The following GRIK1 variants were observed in gnomAD, a reference collection of about 807,000 sequenced individuals.
The protein encoded by GRIK1 is glutamate receptor ionotropic, kainate 1.
A neutral mutation model predicts 105.7 loss-of-function variants in GRIK1; 69 were observed. The observed-to-expected ratio is 0.65, with a 90% CI of 0.54 to 0.80. The LOEUF is 0.80. Among genes scored for constraint, GRIK1 ranks in the 30% least tolerant of loss-of-function variants. The pLI is 0.00. For synonymous variants in GRIK1, 438 were observed against 431.3 expected (o/e 1.02, Z -0.19); for missense variants, 1,109 against 1,167.3 (o/e 0.95, Z 0.73).
At chr21:29,760,931 G>A (rs2065496977) in intron 1 of GRIK1, among the ~76,000 whole-genome samples, 1 of 152,172 alleles carries the variant, frequency 6.6e-6, no homozygotes, top group Non-Finnish European at 1.5e-5. Context: ...GATTCCAAAG[G>A]ATTATGTTTG....
chr21:29,641,524 C>A (rs1175959070), intron 7 of GRIK1, among the ~76,000 whole-genome samples: 1 of 152,090 alleles, frequency 6.6e-6, no homozygotes, highest in South Asian at 2.1e-4. Flanking sequence ...GAAAATGGAC[C>A]AATAGACTTG....
At chr21:29,929,379 G>GA (rs1204326826) in intron 1 of GRIK1, among the ~76,000 whole-genome samples, 1 of 151,730 alleles carries the variant, frequency 6.6e-6, no homozygotes, top group African/African-American at 2.4e-5. Flanking sequence ...GAATAAAAGT[G>GA]AAAAAAAACT....
intron 1 of GRIK1, among the ~76,000 whole-genome samples, chr21:29,694,928 G>A (rs2063665370): frequency 1.3e-5 from 2 of 152,160 alleles, no homozygotes; most frequent in African/African-American, 4.8e-5. Flanking sequence ...ACTTTCCAAA[G>A]TGCATGAGAA....
chr21:29,583,494 C>T (rs1463738460), intron 12 of GRIK1, among the ~76,000 whole-genome samples: 2 of 152,106 alleles, frequency 1.3e-5, no homozygotes, highest in East Asian at 3.9e-4. Context: ...CACCAGCCCC[C>T]TTCAATATTC....
At chr21:29,642,769 T>G in intron 7 of GRIK1, 57 bp downstream of exon 7, 1 of 1,537,742 alleles carries the variant, frequency 6.5e-7, no homozygotes, top group South Asian at 1.1e-5. Context: ...CCATACCAAA[T>G]GGGCAAGCCC....
At chr21:29,896,515 T>C (rs907691376) in intron 1 of GRIK1, among the ~76,000 whole-genome samples, 1 of 152,196 alleles carries the variant, frequency 6.6e-6, no homozygotes, top group East Asian at 1.9e-4. Context: ...CCAGAATATA[T>C]AGGCACTCAA....
chr21:29,927,881 AAAAC>A (rs768950292), intron 1 of GRIK1, among the ~76,000 whole-genome samples: 7 of 152,266 alleles, frequency 4.6e-5, no homozygotes, highest in South Asian at 2.1e-4. Flanking sequence ...AAAAAAAACA[AAAAC>A]AAACAAACAA....
chr21:29,867,774 A>G (rs968534813), intron 1 of GRIK1, among the ~76,000 whole-genome samples: 1 of 151,292 alleles, frequency 6.6e-6, no homozygotes, highest in Non-Finnish European at 1.5e-5. Context: ...AGCCTGGGCA[A>G]TAAGAGTGAA....
At position 29,561,793 on chromosome 21, in the gene GRIK1, C is replaced by G; in HGVS notation, c.2187G>C (p.Gln729His). 6.2e-7 allele frequency: 1 copy of G among 1,614,044 alleles called. No homozygotes were observed. Among genetic ancestry groups the G allele is most frequent in the Non-Finnish European group, 8.5e-7 (1 of 1,179,942 alleles). The change falls in exon 15 of 18, where the codon CAG (glutamine) becomes CAC (histidine). Residue 729 changes from glutamine to histidine, a missense_variant. Gln to His is a conservative substitution (Grantham distance 24). Around this residue, in one of 5 missense-constraint regions of GRIK1, gnomAD observed 264 missense variants for 306.9 expected, o/e 0.86. Coordinates refer to ENST00000327783, the MANE Select transcript of GRIK1 (RefSeq NM_001330994.2). ...CATCACTGTTTCTTACCAGGGCGGT[C>G]TGCTGCCTGCTGCTCATGAAAGCCC... ...KMWAFMSSRQQTALVRNSDEG... is the reference protein window; with the variant it reads ...KMWAFMSSRQHTALVRNSDEG...
intron 4 of GRIK1, among the ~76,000 whole-genome samples, chr21:29,670,782 A>G (rs186834037): frequency 1.3e-5 from 2 of 152,308 alleles, no homozygotes; most frequent in East Asian, 3.9e-4. Flanking sequence ...CCCTTTAATG[A>G]ACTGTATTAA....
Position 29,560,505 on chromosome 21 carries a change from TTCCTTCCTTCCTTC to T in GRIK1, c.2356+1105_2356+1118del, listed in dbSNP as rs770868586. Among the ~76,000 whole-genome samples, 21 of 21,934 alleles carry T rather than the reference TTCCTTCCTTCCTTC, an allele frequency of 9.6e-4. 3 individuals are homozygous for T. The highest frequency in any genetic ancestry group is 4.5e-3 in the African/African-American group (18 of 4,040). 14.4% of individuals were successfully genotyped at this position (21,934 alleles called of 152,430 possible). A position where few individuals can be genotyped will look rare whatever the true frequency, so the allele number is the denominator to read the frequency against. On this transcript the variant is annotated intron_variant, in intron 15 of 17. Transcript: ENST00000327783. Reference sequence around the variant, plus strand: ...TCCCTTTCTTTCTTTCTTTCCTTCCTTCCTTCCTTCCTTCCTTTCTTTCTTTCTTTCTTTCTTTC... The same window carrying T: ...TCCCTTTCTTTCTTTCTTTCCTTCCTCTTTCTTTCTTTCTTTCTTTCTTTC...
At chr21:29,624,054 A>G (rs1287442525) in intron 7 of GRIK1, among the ~76,000 whole-genome samples, 1 of 152,214 alleles carries the variant, frequency 6.6e-6, no homozygotes, top group Non-Finnish European at 1.5e-5. Flanking sequence ...CATTGAACAG[A>G]GCAAACTTAG....
intron 1 of GRIK1, among the ~76,000 whole-genome samples, chr21:29,746,607 T>C (rs965915201): frequency 1.3e-5 from 2 of 152,232 alleles, no homozygotes; most frequent in Admixed American, 1.3e-4. Flanking sequence ...AGTTAAGATT[T>C]TACTCAATGA....
intron 1 of GRIK1, among the ~76,000 whole-genome samples, chr21:29,823,566 T>A (rs1358923215): frequency 1.3e-5 from 2 of 151,992 alleles, no homozygotes; most frequent in Non-Finnish European, 2.9e-5. Context: ...GTTTTGGAAA[T>A]AATTATTTTT....
chr21:29,561,926 G>C, intron 14 of GRIK1, 77 bp from the exon 15 acceptor site: 1 of 787,124 alleles, frequency 1.3e-6, no homozygotes, highest in South Asian at 1.5e-5. Context: ...AAGTCCCAAT[G>C]GTTCAAATAA....
chr21:29,801,777 C>T (rs1047182187), intron 1 of GRIK1, among the ~76,000 whole-genome samples: 14 of 152,170 alleles, frequency 9.2e-5, no homozygotes, highest in Non-Finnish European at 1.5e-4. Flanking sequence ...TGTTCTTCTA[C>T]AATTATAGCC....
intron 1 of GRIK1, among the ~76,000 whole-genome samples, chr21:29,712,083 TACACACACACACACACACAC>T (rs56017389): frequency 2.6e-4 from 35 of 135,370 alleles, no homozygotes; most frequent in African/African-American, 9.2e-4. Flanking sequence ...TATACATACA[TACACACACACACACACACAC>T]ACACACACAC....
chr21:29,816,061 G>C (rs542446313), intron 1 of GRIK1, among the ~76,000 whole-genome samples: 1 of 151,958 alleles, frequency 6.6e-6, no homozygotes, highest in Non-Finnish European at 1.5e-5. Flanking sequence ...ACAAAGGACT[G>C]TATCCAGAAT....
chr21:29,628,370 T>G (rs1024591813), intron 7 of GRIK1, among the ~76,000 whole-genome samples: 1 of 152,248 alleles, frequency 6.6e-6, no homozygotes, highest in Admixed American at 6.5e-5. Context: ...TTAACTATTA[T>G]GTGTGCTGTT....
Sources: gnomAD v4.1 joint callset for allele counts (sites outside exome capture counted in the v4.1 genomes callset) on GRCh38, gnomAD v4.1.1 for gene constraint, gnomAD v4.1.1 regional missense constraint, MANE v1.5 for transcripts, NCBI Gene and HGNC (gene_info 2026-07-23, HGNC 2026-07-21) for gene names.